Variants in MALRD1 observed in about 807,000 individuals in gnomAD.
MALRD1 encodes MAM and LDL receptor class A domain containing 1.
In MALRD1, 247 loss-of-function variants were observed where a neutral mutation model predicts 242.1. The observed-to-expected ratio is 1.02, with a 90% CI of 0.92 to 1.13. The LOEUF is 1.13. Among genes scored for constraint, MALRD1 ranks in the 50% most tolerant of loss-of-function variants. The pLI is 0.00. For missense variants in MALRD1, 2,989 were observed against 2,533.1 expected, an observed-to-expected ratio of 1.18 and a Z score of -3.86; for synonymous variants, 995 against 866.6, an observed-to-expected ratio of 1.15 and a Z score of -2.60.
rs1434139448 is a variant in MALRD1, at chr10:19,125,318, CTTCCTTCTTTCTTTCT to C, written c.943+652_943+667del. On this transcript the variant is annotated intron_variant, in intron 7 of 39. Transcript: ENST00000454679. The stretch of plus-strand genomic sequence containing the variant: ...CCTTCCTTCCTTCCTTCCTTCCTTC[CTTCCTTCTTTCTTTCT>C]TTCTTTCTTTCTTTCTTTCTTTCTT... Among the ~76,000 whole-genome samples, 488 of 79,998 alleles carry C rather than the reference CTTCCTTCTTTCTTTCT, an allele frequency of 6.1e-3. 4 individuals are homozygous for C. The highest frequency in any genetic ancestry group is 0.023 in the African/African-American group (390 of 17,250). The allele number at this position is 79,998 out of a possible 152,430, so 52.5% of individuals were successfully genotyped here.
At chr10:19,551,639 T>G (rs553214729) in intron 32 of MALRD1, among the ~76,000 whole-genome samples, 2 of 152,246 alleles carry the variant, frequency 1.3e-5, no homozygotes, top group South Asian at 4.1e-4. Context: ...TTGAGTACTG[T>G]GTTGAATAGG....
At chr10:19,179,254 A>G (rs1014311149) in intron 14 of MALRD1, among the ~76,000 whole-genome samples, 1 of 152,220 alleles carries the variant, frequency 6.6e-6, no homozygotes, top group Non-Finnish European at 1.5e-5. Flanking sequence ...ATCAACAGGC[A>G]TACATTTTCA....
At chr10:19,522,268 A>G (rs1352140207) in intron 31 of MALRD1, among the ~76,000 whole-genome samples, 1 of 152,130 alleles carries the variant, frequency 6.6e-6, no homozygotes, top group Non-Finnish European at 1.5e-5. Flanking sequence ...TTTTATTAAT[A>G]TCAATACTTC....
intron 28 of MALRD1, among the ~76,000 whole-genome samples, chr10:19,425,544 G>C (rs1209502171): frequency 6.6e-6 from 1 of 151,904 alleles, no homozygotes; most frequent in Non-Finnish European, 1.5e-5. Context: ...ACCAAAGGCT[G>C]ACAAGTGTGC....
At chr10:19,410,279 A>T (rs1485934760) in intron 28 of MALRD1, among the ~76,000 whole-genome samples, 1 of 152,162 alleles carries the variant, frequency 6.6e-6, no homozygotes, top group Non-Finnish European at 1.5e-5. Context: ...ATTTAGTATG[A>T]TAAATAGTTT....
At chr10:19,671,219 C>G (rs140602133) in intron 36 of MALRD1, among the ~76,000 whole-genome samples, 186 of 152,238 alleles carry the variant, frequency 1.2e-3, no homozygotes, top group African/African-American at 4.1e-3. Context: ...AAAACCCCTT[C>G]TATTTAGTAT....
In MALRD1 at chr10:19,192,928, C is replaced by CT. The variant is rs113128173; in HGVS notation, c.1952-10791dup. On this transcript the variant is annotated intron_variant, in intron 14 of 39. Coordinates refer to ENST00000454679, the MANE Select transcript of MALRD1 (RefSeq NM_001142308.3). ...AATTATTCTTTGAAGGTGATTTATG[C>CT]TTTTTTTTTCCAGCTGCTTTTAACA... Among the ~76,000 whole-genome samples the CT allele has an allele frequency of 7.3e-4, 110 of 151,508 alleles. 1 individual carries two copies. In the South Asian group the frequency reaches 0.011, roughly 15 times the overall value.
At chr10:19,165,114 A>G (rs1485640308) in intron 12 of MALRD1, among the ~76,000 whole-genome samples, 2 of 151,390 alleles carry the variant, frequency 1.3e-5, no homozygotes, top group African/African-American at 2.4e-5. Flanking sequence ...TACCTCTCAT[A>G]TTTGTAAGAA....
At chr10:19,649,057 A>G (rs10764114) in intron 36 of MALRD1, among the ~76,000 whole-genome samples, 62,790 of 152,112 alleles carry the variant, frequency 0.41, 14,210 homozygotes, top group Non-Finnish European at 0.51. Flanking sequence ...ACGATCCCAC[A>G]AAAGATATGA....
At chr10:19,729,721 CTTTTTTTTTTTTT>C (rs35279728) in intron 38 of MALRD1, among the ~76,000 whole-genome samples, 8 of 40,696 alleles carry the variant, frequency 2.0e-4, no homozygotes, top group South Asian at 1.2e-3. Context: ...TCTATTAATT[CTTTTTTTTTTTTT>C]TTTTTTTTTT....
intron 33 of MALRD1, among the ~76,000 whole-genome samples, chr10:19,587,723 A>G (rs769298817): frequency 1.3e-5 from 2 of 152,184 alleles, no homozygotes; most frequent in Non-Finnish European, 2.9e-5. Context: ...GCATAGCACA[A>G]AGTGAAGTGG....
chr10:19,643,139 A>C (rs1013872994), intron 36 of MALRD1, among the ~76,000 whole-genome samples: 1 of 152,134 alleles, frequency 6.6e-6, no homozygotes, highest in Non-Finnish European at 1.5e-5. Flanking sequence ...GGGTAAAATA[A>C]AAATTGTTTA....
At position 19,559,586 on chromosome 10, in the gene MALRD1, A is replaced by G. The variant is rs181149503; in HGVS notation, c.5479-7916A>G. Among the ~76,000 whole-genome samples the G allele has an allele frequency of 1.6e-3, 246 of 152,232 alleles. 2 individuals carry two copies. Among genetic ancestry groups the G allele is most frequent in the Non-Finnish European group, 1.9e-3 (132 of 68,006 alleles). ...CGTGTGTGAATCCACCTGGTCAAAG[A>G]CTTCATGACTAAAACACCAAAAGCA... On this transcript the variant is annotated intron_variant, in intron 32 of 39. Transcript: ENST00000454679.
intron 25 of MALRD1, among the ~76,000 whole-genome samples, chr10:19,350,502 C>T (rs1844328276): frequency 6.6e-6 from 1 of 151,932 alleles, no homozygotes; most frequent in Non-Finnish European, 1.5e-5. Context: ...GTCTCGAACT[C>T]CTGACCTCAG....
rs141942682 is a variant in MALRD1, at chr10:19,280,225, T to C, written c.3256+2T>C. On this transcript the variant is annotated splice_donor_variant, in intron 20 of 39. Transcript: ENST00000454679. LOFTEE classifies it high-confidence loss of function. ...ACAAATCAGATGAAGCATCCTGTGG[T>C]AGGTGGATTCTTAAAATTTGTTTAA... The C allele has an allele frequency of 6.7e-6, 10 of 1,483,564 alleles. No homozygotes were observed. Among genetic ancestry groups the C allele is most frequent in the East Asian group, 5.0e-5 (2 of 40,016 alleles). The allele number at this position is 1,483,564 out of a possible 1,614,324, so 91.9% of individuals were successfully genotyped here. A position where few individuals can be genotyped will look rare whatever the true frequency, so the allele number is the denominator to read the frequency against.
intron 34 of MALRD1, among the ~76,000 whole-genome samples, chr10:19,600,004 C>G (rs546242650): frequency 2.6e-5 from 4 of 152,184 alleles, no homozygotes; most frequent in Admixed American, 6.6e-5. Context: ...AGGAGAAGTA[C>G]ATGGAAACTA....
intron 19 of MALRD1, among the ~76,000 whole-genome samples, chr10:19,261,089 A>C (rs1251857549): frequency 6.6e-6 from 1 of 152,252 alleles, no homozygotes; most frequent in South Asian, 2.1e-4. Flanking sequence ...GAAGAGAACA[A>C]AAAAAGAACA....
intron 34 of MALRD1, among the ~76,000 whole-genome samples, chr10:19,596,258 A>G (rs909124153): frequency 6.6e-6 from 1 of 152,168 alleles, no homozygotes; most frequent in African/African-American, 2.4e-5. Flanking sequence ...AAACACCCCT[A>G]ACATTTTATT....
rs560525044 is a variant in MALRD1 at position 19,586,176 on chromosome 10, C to T, written c.5681-9018C>T. 2.6e-5 allele frequency among the ~76,000 whole-genome samples: 4 copies of T among 152,212 alleles called. No homozygotes were observed. The South Asian group carries it at 8.3e-4, about 32-fold the overall frequency. On this transcript the variant is annotated intron_variant, in intron 33 of 39. Coordinates refer to ENST00000454679, the MANE Select transcript of MALRD1 (RefSeq NM_001142308.3). Reference sequence around the variant, plus strand: ...CTTCTTTGCCTTTGGTGTGAATGTCCTCCCATAGCTCGGAATAATTTGATC... The same window carrying T: ...CTTCTTTGCCTTTGGTGTGAATGTCTTCCCATAGCTCGGAATAATTTGATC...
Sources: gnomAD v4.1 joint callset for allele counts (sites outside exome capture counted in the v4.1 genomes callset) on GRCh38, gnomAD v4.1.1 for gene constraint, MANE v1.5 for transcripts, NCBI Gene and HGNC (gene_info 2026-07-23, HGNC 2026-07-21) for gene names.